Variants in RAE1 observed in about 807,000 individuals in gnomAD.
The protein encoded by RAE1 is mRNA export factor RAE1.
Under a neutral mutation model 52.7 loss-of-function variants are expected in RAE1, and 13 were observed. That is an observed-to-expected ratio of 0.25 (90% CI 0.16 to 0.39). The LOEUF (loss-of-function observed/expected upper bound fraction) is 0.39, where lower values mean the gene tolerates loss of function less well. Among genes scored for constraint, RAE1 ranks in the 10% least tolerant of loss-of-function variants. The pLI is 1.00. For missense variants in RAE1, 262 were observed against 459.8 expected (o/e 0.57, Z 3.93); for synonymous variants, 164 against 153.1 (o/e 1.07, Z -0.52).
At chr20:57,353,955 C>A in intron 1 of RAE1, 77 bp from the exon 2 acceptor site, 1 of 1,275,926 alleles carries the variant, frequency 7.8e-7, no homozygotes, top group Non-Finnish European at 1.1e-6. Context: ...TTCTCTTCTG[C>A]CAGTTAATTA....
rs749000398 is a variant in RAE1, at chr20:57,368,782, C to T, written c.612C>T (p.Phe204=). 1 of 1,613,128 alleles carries T rather than the reference C, an allele frequency of 6.2e-7. No homozygotes were observed. The highest frequency in any genetic ancestry group is 1.1e-5 in the South Asian group (1 of 90,782). The change falls in exon 8 of 12, where the codon TTC becomes TTT. Residue 204 remains phenylalanine, a synonymous_variant. Transcript: ENST00000395841. The part of the protein sequence containing the change: ...VYQLENQPSE[F]RRIESPLKHQ... ...AGCTAGAGAATCAACCTTCTGAATT[C>T]AGGAGGATAGAATCTCCACTGAAAC... is the stretch of plus-strand genomic sequence containing the variant.
chr20:57,369,857 C>G (rs1205532860), intron 8 of RAE1, among the ~76,000 whole-genome samples: 1 of 152,170 alleles, frequency 6.6e-6, no homozygotes. Context: ...TTTCTCCTGC[C>G]AGATCTAGAA....
intron 4 of RAE1, chr20:57,357,674 C>A: frequency 6.6e-6 from 1 of 152,216 alleles, no homozygotes; most frequent in Non-Finnish European, 1.5e-5. Flanking sequence ...GTAGTTAGGG[C>A]ATTTATTATG....
intron 4 of RAE1, among the ~76,000 whole-genome samples, chr20:57,361,951 C>T (rs771060615): frequency 3.9e-5 from 6 of 152,240 alleles, no homozygotes; most frequent in Non-Finnish European, 7.3e-5. Flanking sequence ...CTGAGCTCCG[C>T]CTCCTGTCAG....
chr20:57,358,146 G>A (rs1305547502), intron 4 of RAE1: 1 of 152,116 alleles, frequency 6.6e-6, no homozygotes, highest in East Asian at 1.9e-4. Flanking sequence ...GGCTAGGATT[G>A]GAGCAATAAT....
intron 5 of RAE1, among the ~76,000 whole-genome samples, chr20:57,365,865 T>C (rs6025517): frequency 0.4 from 60,753 of 152,080 alleles, 12,580 homozygotes; most frequent in African/African-American, 0.5. Flanking sequence ...AAGAGGGGCA[T>C]TTCCCCACAC....
intron 11 of RAE1, among the ~76,000 whole-genome samples, chr20:57,377,114 CTT>C (rs2067127137): frequency 6.6e-6 from 1 of 152,128 alleles, no homozygotes; most frequent in Non-Finnish European, 1.5e-5. Flanking sequence ...AAAAACTACA[CTT>C]TGTATATTAT....
intron 5 of RAE1, 69 bp from the exon 6 acceptor site, chr20:57,366,736 TGC>T (rs2066959883): frequency 1.4e-6 from 2 of 1,406,040 alleles, no homozygotes; most frequent in Admixed American, 3.5e-5. Context: ...CCCTTTGAAT[TGC>T]CACAACTAAA....
chr20:57,373,202 C>T, intron 8 of RAE1: 1 of 455,510 alleles, frequency 2.2e-6, no homozygotes. Flanking sequence ...CCATGGGGCT[C>T]TGCTGGCGTG....
intron 9 of RAE1, 36 bp downstream of exon 9, chr20:57,373,617 G>A: frequency 6.2e-7 from 1 of 1,613,318 alleles, no homozygotes; most frequent in Non-Finnish European, 8.5e-7. Flanking sequence ...GATTTCACTG[G>A]ACTTTTTTTA....
At chr20:57,356,367 C>T in intron 3 of RAE1, 79 bp from the exon 4 acceptor site, 1 of 1,082,980 alleles carries the variant, frequency 9.2e-7, no homozygotes, top group Non-Finnish European at 1.4e-6. Context: ...TTAAGGTGTA[C>T]CCCATTAGTT....
At chr20:57,353,333 A>T (rs926461093) in intron 1 of RAE1, among the ~76,000 whole-genome samples, 1 of 152,202 alleles carries the variant, frequency 6.6e-6, no homozygotes, top group African/African-American at 2.4e-5. Flanking sequence ...GAGCAGGAAA[A>T]TGAAGACTGG....
intron 4 of RAE1, among the ~76,000 whole-genome samples, chr20:57,362,523 T>A (rs551570105): frequency 2.6e-5 from 4 of 152,378 alleles, no homozygotes; most frequent in Non-Finnish European, 5.9e-5. Flanking sequence ...AGAAAGTTTC[T>A]TATAAAGTAC....
Position 57,352,018 on chromosome 20 carries a change from G to C in RAE1, c.-8+596G>C, listed in dbSNP as rs985661132. 22 of 962,954 alleles carry C rather than the reference G, an allele frequency of 2.3e-5. No individual in the cohort carries two copies. In the South Asian group the frequency reaches 1.0e-3, roughly 44 times the overall value. 59.7% of individuals were successfully genotyped at this position (962,954 alleles called of 1,614,324 possible). A position where few individuals can be genotyped will look rare whatever the true frequency, so the allele number is the denominator to read the frequency against. ...ATCCAGGCAAGTGGCTGCCCTCTTGGAGCCAGCATTCTGGGGGGGAAGAGA... is the reference window on the plus strand; with the variant it reads ...ATCCAGGCAAGTGGCTGCCCTCTTGCAGCCAGCATTCTGGGGGGGAAGAGA... On this transcript the variant is annotated intron_variant, in intron 1 of 11. Coordinates refer to ENST00000395841, the MANE Select transcript of RAE1 (RefSeq NM_003610.4).
At chr20:57,364,898 T>C (rs905338408) in intron 4 of RAE1, among the ~76,000 whole-genome samples, 4 of 152,212 alleles carry the variant, frequency 2.6e-5, no homozygotes, top group Non-Finnish European at 5.9e-5. Context: ...ATTATAGTTA[T>C]GTGTTTTGTA....
intron 1 of RAE1, 87 bp downstream of exon 1, chr20:57,351,509 C>T (rs1005619514): frequency 2.0e-6 from 2 of 985,320 alleles, no homozygotes; most frequent in Non-Finnish European, 2.4e-6. Flanking sequence ...CGCGCTTCTG[C>T]GGGATGCTGG....
rs533337473 is a variant in RAE1, at chr20:57,374,526, CT to C, written c.826-80del. The C allele has an allele frequency of 1.9e-3, 2,417 of 1,301,592 alleles. 10 individuals are homozygous for C. The highest frequency in any genetic ancestry group is 2.4e-3 in the Non-Finnish European group (2,211 of 934,854). 80.6% of individuals were successfully genotyped at this position (1,301,592 alleles called of 1,614,324 possible). On this transcript the variant is annotated intron_variant, in intron 10 of 11. Transcript: ENST00000395841. ...TGTACCTGTGCGCTTTGTTTCCTAA[CT>C]CAAGCAGGAAGTGTGCGTGGGTGGA...
chr20:57,377,483 C>A (rs2067132660), intron 11 of RAE1, among the ~76,000 whole-genome samples: 1 of 152,230 alleles, frequency 6.6e-6, no homozygotes, highest in South Asian at 2.1e-4. Flanking sequence ...TGCTGTATAG[C>A]CCTGCATCCC....
At chr20:57,377,363 C>T (rs2067130906) in intron 11 of RAE1, among the ~76,000 whole-genome samples, 1 of 152,214 alleles carries the variant, frequency 6.6e-6, no homozygotes, top group Non-Finnish European at 1.5e-5. Context: ...GTGATCACAT[C>T]ACTGACCTGC....
Sources: allele counts gnomAD v4.1 joint callset (sites outside exome capture counted in the v4.1 genomes callset), GRCh38; gene constraint gnomAD v4.1.1; transcripts MANE v1.5; gene names NCBI Gene and HGNC (gene_info 2026-07-23, HGNC 2026-07-21).